HRH2: variants seen among roughly 807,000 people sequenced by gnomAD.
HRH2 encodes histamine H2 receptor.
In HRH2, 4 loss-of-function variants were observed where a neutral mutation model predicts 20.1. The observed-to-expected ratio is 0.20, with a 90% confidence interval of 0.10 to 0.45. The LOEUF (loss-of-function observed/expected upper bound fraction) is 0.45. Among genes scored for constraint, HRH2 ranks in the 20% least tolerant of loss-of-function variants. The pLI is 0.99. For missense variants in HRH2, 250 were observed against 461.6 expected, an observed-to-expected ratio of 0.54 and a Z score of 4.20; for synonymous variants, 197 against 200.7, an observed-to-expected ratio of 0.98 and a Z score of 0.16.
chr5:175,662,727 G>A (rs1183500934), intron 1 of HRH2, among the ~76,000 whole-genome samples: 1 of 152,072 alleles, frequency 6.6e-6, no homozygotes, highest in Non-Finnish European at 1.5e-5. Flanking sequence ...ATAATTTTTA[G>A]GATATTCACA....
chr5:175,658,511 T>A (rs1762635157), intron 1 of HRH2, among the ~76,000 whole-genome samples: 1 of 152,040 alleles, frequency 6.6e-6, no homozygotes, highest in South Asian at 2.1e-4. Context: ...ATTTGGAAAG[T>A]GCACTTGCGC....
chr5:175,680,010 CG>C (rs1191119693), intron 1 of HRH2, among the ~76,000 whole-genome samples: 2 of 152,164 alleles, frequency 1.3e-5, no homozygotes, highest in African/African-American at 4.8e-5. Flanking sequence ...TTTCCTCACT[CG>C]TGGGGTCGTG....
Position 175,683,549 on chromosome 5 carries a change from A to T in HRH2, c.316A>T (p.Ile106Phe). The change falls in exon 2 of 3, where the codon ATT (isoleucine) becomes TTT (phenylalanine). Residue 106 changes from isoleucine to phenylalanine, a missense_variant. This residue lies in a region of HRH2 where 86 missense variants were observed against 176.4 expected (regional missense o/e 0.49). Coordinates refer to ENST00000636584, the MANE Select transcript of HRH2 (RefSeq NM_001367711.1). ...GGATGTGATGCTCTGCACAGCCTCC[A>T]TTCTTAACCTCTTCATGATCAGCCT... is the stretch of plus-strand genomic sequence containing the variant. ...SLDVMLCTAS[I>F]LNLFMISLDR... The T allele has an allele frequency of 6.2e-7, 1 of 1,614,168 alleles. No individual in the cohort carries two copies. Among genetic ancestry groups the T allele is most frequent in the Non-Finnish European group, 8.5e-7 (1 of 1,180,028 alleles).
rs1299569352 is a variant in HRH2, at chr5:175,686,202, C to T, written c.1076+1893C>T. 1.3e-5 allele frequency: 2 copies of T among 152,238 alleles called. No homozygotes were observed. Among genetic ancestry groups the T allele is most frequent in the African/African-American group, 4.8e-5 (2 of 41,454 alleles). 9.4% of individuals were successfully genotyped at this position (152,238 alleles called of 1,614,324 possible). A position where few individuals can be genotyped will look rare whatever the true frequency, so the allele number is the denominator to read the frequency against. On this transcript the variant is annotated intron_variant, in intron 2 of 2. Coordinates refer to ENST00000636584, the MANE Select transcript of HRH2 (RefSeq NM_001367711.1). This position sits in a 1 kb window ranked among gnomAD's most constrained non-coding sequence, Gnocchi z 4.7. The stretch of plus-strand genomic sequence containing the variant: ...GCTGGAGTGCAAAGCTGACTTAGTT[C>T]ACAAAGTATAAAAAAATACAGGGAT...
Position 175,658,319 on chromosome 5 carries a change from C to T in HRH2, c.-526+164C>T, listed in dbSNP as rs980112393. On this transcript the variant is annotated intron_variant, in intron 1 of 2. Transcript: ENST00000636584. ...GTTCGAGCCTCGGCCCCACCGCTCC[C>T]TGGCTGTGCCTGACCTTGGGCAGGT... Among the ~76,000 whole-genome samples the T allele has an allele frequency of 5.3e-5, 8 of 152,278 alleles. No individual in the cohort carries two copies. In the South Asian group the frequency reaches 1.4e-3, roughly 28 times the overall value.
At chr5:175,706,569 A>G (rs1246007283) in intron 2 of HRH2, among the ~76,000 whole-genome samples, 1 of 152,204 alleles carries the variant, frequency 6.6e-6, no homozygotes, top group East Asian at 1.9e-4. Flanking sequence ...CTGCATCTGG[A>G]ATGTTAATGC....
At chr5:175,674,951 C>T (rs1044859951) in intron 1 of HRH2, among the ~76,000 whole-genome samples, 4 of 152,202 alleles carry the variant, frequency 2.6e-5, no homozygotes, top group African/African-American at 9.7e-5. Flanking sequence ...GATACAACTG[C>T]AATCATGCCA....
rs138626188 is a variant in HRH2 at position 175,690,694 on chromosome 5, C to A, written c.1076+6385C>A. ...GAGTTGTGCATCCACAATCACAATC[C>A]GTTTTAGAGCATTTCATCGCCCCCC... On this transcript the variant is annotated intron_variant, in intron 2 of 2. Transcript: ENST00000636584. Among the ~76,000 whole-genome samples the A allele has an allele frequency of 8.5e-5, 13 of 152,108 alleles. No homozygotes were observed. The East Asian group carries it at 1.5e-3, about 18-fold the overall frequency.
chr5:175,668,422 A>C (rs1331691651), intron 1 of HRH2, among the ~76,000 whole-genome samples: 2 of 152,092 alleles, frequency 1.3e-5, no homozygotes, highest in Non-Finnish European at 2.9e-5. Flanking sequence ...GTGCAGGGGA[A>C]TATTACTCAG....
At chr5:175,685,539 A>G in intron 2 of HRH2, 1 of 1,461,850 alleles carries the variant, frequency 6.8e-7, no homozygotes. Flanking sequence ...AATACTGGGG[A>G]TGTAGAAATG....
At position 175,686,977 on chromosome 5, in the gene HRH2, A is replaced by G. The variant is rs7702009; in HGVS notation, c.1076+2668A>G. Among the ~76,000 whole-genome samples the G allele has an allele frequency of 0.076, 11,492 of 151,926 alleles. 1,490 individuals are homozygous for G. The highest frequency in any genetic ancestry group is 0.26 in the African/African-American group (10,789 of 41,426). On this transcript the variant is annotated intron_variant, in intron 2 of 2. Coordinates refer to ENST00000636584, the MANE Select transcript of HRH2 (RefSeq NM_001367711.1). This position sits in a 1 kb window ranked among gnomAD's most constrained non-coding sequence, Gnocchi z 4.7. ...GATCCTCGTGGGCACCCTGGGTGGG[A>G]GGCTGTGAAGAAACCAGGGCCAGCA...
intron 2 of HRH2, among the ~76,000 whole-genome samples, chr5:175,695,933 C>T (rs570450110): frequency 4.6e-5 from 7 of 152,356 alleles, no homozygotes; most frequent in South Asian, 4.1e-4. Context: ...ACTGGCACGG[C>T]GATTCAGGGG....
chr5:175,668,368 A>G (rs80123597), intron 1 of HRH2, among the ~76,000 whole-genome samples: 2,436 of 152,246 alleles, frequency 0.016, 74 homozygotes, highest in African/African-American at 0.056. Flanking sequence ...CCAGTTGAGA[A>G]TTCTGAGGCA....
chr5:175,666,355 A>G (rs147501609), intron 1 of HRH2, among the ~76,000 whole-genome samples: 1,831 of 152,262 alleles, frequency 0.012, 18 homozygotes, highest in Non-Finnish European at 0.02. Context: ...GTCACAGCAC[A>G]GGATGACGAG....
At chr5:175,673,036 C>T (rs1394749671) in intron 1 of HRH2, among the ~76,000 whole-genome samples, 1 of 151,990 alleles carries the variant, frequency 6.6e-6, no homozygotes, top group Non-Finnish European at 1.5e-5. Flanking sequence ...CAGGGGATGC[C>T]GATCATAAGG....
At chr5:175,684,944 A>G (rs1375092135) in intron 2 of HRH2, among the ~76,000 whole-genome samples, 1 of 152,188 alleles carries the variant, frequency 6.6e-6, no homozygotes, top group Non-Finnish European at 1.5e-5. Context: ...GGGTAACTTA[A>G]GCAGATCTAT....
intron 2 of HRH2, among the ~76,000 whole-genome samples, chr5:175,691,662 C>A (rs1310430782): frequency 6.6e-6 from 1 of 152,032 alleles, no homozygotes; most frequent in Non-Finnish European, 1.5e-5. Flanking sequence ...GCAGGTGGAC[C>A]ACCTAAGGTC....
intron 2 of HRH2, among the ~76,000 whole-genome samples, chr5:175,705,127 T>C (rs937157317): frequency 5.3e-5 from 8 of 152,196 alleles, no homozygotes; most frequent in Non-Finnish European, 1.0e-4. Flanking sequence ...GCCAAATTAA[T>C]CTGTATGTTC....
At position 175,707,836 on chromosome 5, in the gene HRH2, C is replaced by G. The variant is rs1020168551; in HGVS notation, c.1134C>G (p.Ser378Arg). 7.5e-6 allele frequency: 3 copies of G among 399,128 alleles called. No individual in the cohort carries two copies. The highest frequency in any genetic ancestry group is 4.4e-5 in the Admixed American group (1 of 22,720). The allele number at this position is 399,128 out of a possible 1,614,324, so 24.7% of individuals were successfully genotyped here. The change falls in exon 3 of 3, where the codon AGC (serine) becomes AGG (arginine). Residue 378 changes from serine to arginine, a missense_variant. Around this residue, in one of 5 missense-constraint regions of HRH2, gnomAD observed 55 missense variants for 66.9 expected, o/e 0.82. Coordinates refer to ENST00000636584, the MANE Select transcript of HRH2 (RefSeq NM_001367711.1). ...GCAACCTCCTGAGCTGCTGCAAGAG[C>G]CTGTGGGGGCTCAGGTTCCTTCAGA... ...CSSNLLSCCKSLWGLRFLQRH... is the reference protein window; with the variant it reads ...CSSNLLSCCKRLWGLRFLQRH...
Sources: gnomAD v4.1 joint callset for allele counts (sites outside exome capture counted in the v4.1 genomes callset) on GRCh38, gnomAD v4.1.1 for gene constraint, gnomAD v4.1.1 regional missense constraint, Gnocchi (gnomAD v3.1) non-coding constraint, MANE v1.5 for transcripts, NCBI Gene and HGNC (gene_info 2026-07-23, HGNC 2026-07-21) for gene names.